Variants in NPAS2 observed in about 807,000 individuals in gnomAD.
NPAS2 encodes neuronal PAS domain-containing protein 2.
NPAS2 carries 23 observed loss-of-function variants against 107.5 expected under a neutral mutation model. That is an observed-to-expected ratio of 0.21 (90% confidence interval 0.15 to 0.30). NPAS2 has a LOEUF of 0.30. Among genes scored for constraint, NPAS2 ranks in the 10% least tolerant of loss-of-function variants. The pLI is 1.00. For missense variants in NPAS2, 756 were observed against 1,043.3 expected (o/e 0.72, Z 3.79); for synonymous variants, 403 against 417.5 (o/e 0.97, Z 0.42).
intron 15 of NPAS2, among the ~76,000 whole-genome samples, chr2:100,981,579 C>T (rs1046123639): frequency 2.6e-5 from 4 of 152,124 alleles, no homozygotes; most frequent in Admixed American, 6.5e-5. Context: ...GTCTTTACCC[C>T]GAGGTCAGTC....
intron 2 of NPAS2, among the ~76,000 whole-genome samples, chr2:100,924,326 AC>A (rs1683426175): frequency 1.3e-5 from 2 of 152,230 alleles, no homozygotes; most frequent in South Asian, 4.1e-4. Context: ...GTGTTGACAC[AC>A]ATCCACCAGT....
intron 11 of NPAS2, 149 bp from the exon 12 acceptor site, chr2:100,970,841 C>T: frequency 1.8e-6 from 1 of 568,102 alleles, no homozygotes. Flanking sequence ...TTCCTTCCAA[C>T]AAGTCACAGG....
At position 100,820,948 on chromosome 2, in the gene NPAS2, G is replaced by C; in HGVS notation, c.-23+534G>C. 2.5e-5 allele frequency: 19 copies of C among 750,510 alleles called. No individual in the cohort carries two copies. Among genetic ancestry groups the C allele is most frequent in the Non-Finnish European group, 3.5e-5 (18 of 519,460 alleles). The allele number at this position is 750,510 out of a possible 1,614,324, so 46.5% of individuals were successfully genotyped here. A position where few individuals can be genotyped will look rare whatever the true frequency, so the allele number is the denominator to read the frequency against. On this transcript the variant is annotated intron_variant, in intron 1 of 20. Coordinates refer to ENST00000335681, the MANE Select transcript of NPAS2 (RefSeq NM_002518.4). This position sits in a 1 kb window ranked among gnomAD's most constrained non-coding sequence, Gnocchi z 5.6. ...TGCGGAATCGGTGCCCCCAACCCCCGTGTGCGCAGACAGCGTGCAGCCTGG... is the reference window on the plus strand; with the variant it reads ...TGCGGAATCGGTGCCCCCAACCCCCCTGTGCGCAGACAGCGTGCAGCCTGG...
In NPAS2 at chr2:100,922,522, G is replaced by A. The variant is rs150891898; in HGVS notation, c.33-2624G>A. Among the ~76,000 whole-genome samples, 1,156 of 152,296 alleles carry A rather than the reference G, an allele frequency of 7.6e-3. 12 individuals are homozygous for A. The highest frequency in any genetic ancestry group is 0.026 in the African/African-American group (1,083 of 41,550). On this transcript the variant is annotated intron_variant, in intron 2 of 20. Transcript: ENST00000335681. ...CCCTTGAACCCGGGAGGTGGAGGTT[G>A]TAGTGAGCTGAGATCGCGTCACTGC...
At chr2:100,955,849 C>T (rs1675535494) in intron 7 of NPAS2, among the ~76,000 whole-genome samples, 3 of 152,112 alleles carry the variant, frequency 2.0e-5, no homozygotes, top group Non-Finnish European at 2.9e-5. Context: ...TCAGGACTCC[C>T]CGCCCCATGC....
intron 1 of NPAS2, among the ~76,000 whole-genome samples, chr2:100,835,874 C>T (rs1677023970): frequency 6.6e-6 from 1 of 152,188 alleles, no homozygotes; most frequent in Non-Finnish European, 1.5e-5. Flanking sequence ...CTCTTCCCCT[C>T]CACAGCTGAG....
intron 1 of NPAS2, among the ~76,000 whole-genome samples, chr2:100,887,995 T>G (rs1207873695): frequency 6.6e-6 from 1 of 152,226 alleles, no homozygotes; most frequent in Non-Finnish European, 1.5e-5. Context: ...CAGATGGCAG[T>G]CTTCTGAGTG....
intron 1 of NPAS2, among the ~76,000 whole-genome samples, chr2:100,882,347 T>C (rs10177618): frequency 0.017 from 2,622 of 152,250 alleles, 64 homozygotes; most frequent in East Asian, 0.088. Flanking sequence ...CAGTGGCTCA[T>C]GCCTGTAATC....
At chr2:100,928,385 GC>G (rs1406082630) in intron 3 of NPAS2, among the ~76,000 whole-genome samples, 1 of 151,056 alleles carries the variant, frequency 6.6e-6, no homozygotes, top group East Asian at 2.0e-4. Flanking sequence ...CTAGGTCATT[GC>G]CACCGAGAAG....
intron 1 of NPAS2, among the ~76,000 whole-genome samples, chr2:100,831,780 A>G (rs537862447): frequency 1.7e-4 from 26 of 151,224 alleles, no homozygotes; most frequent in Non-Finnish European, 3.2e-4. Flanking sequence ...AAAAGGTACC[A>G]CTTTTGGAAA....
chr2:100,820,334 G>A lies in NPAS2; in HGVS notation c.-103G>A, dbSNP rs1213011982. ...GCTCGCCGCGCCCGCTCGCCGCCTC[G>A]TCTCCCAGCGGCGGCGGGAGGCGCG... is the stretch of plus-strand genomic sequence containing the variant. On this transcript the variant is annotated 5_prime_UTR_variant, in exon 1 of 21. Transcript: ENST00000335681. The surrounding 1 kb of genome is among the most constrained non-coding windows in gnomAD (Gnocchi z 5.6). 1 of 145,060 alleles carries A rather than the reference G, an allele frequency of 6.9e-6. No individual in the cohort carries two copies. Among genetic ancestry groups the A allele is most frequent in the Non-Finnish European group, 1.5e-5 (1 of 65,656 alleles). The allele number at this position is 145,060 out of a possible 1,614,324, so 9.0% of individuals were successfully genotyped here. A position where few individuals can be genotyped will look rare whatever the true frequency, so the allele number is the denominator to read the frequency against.
In NPAS2 at chr2:100,876,180, C is replaced by T. The variant is rs137885804; in HGVS notation, c.-22-28553C>T. On this transcript the variant is annotated intron_variant, in intron 1 of 20. Coordinates refer to ENST00000335681, the MANE Select transcript of NPAS2 (RefSeq NM_002518.4). ...TCTCTGGTTCTGTTCCTCTCTTCCC[C>T]GTAGCTGGTATTTGTAGTGACACCT... is the stretch of plus-strand genomic sequence containing the variant. Among the ~76,000 whole-genome samples, 505 of 152,298 alleles carry T rather than the reference C, an allele frequency of 3.3e-3. 2 individuals are homozygous for T. The highest frequency in any genetic ancestry group is 0.012 in the African/African-American group (483 of 41,552).
chr2:100,819,927 G>C (rs1405589902), upstream of NPAS2, among the ~76,000 whole-genome samples: 1 of 151,974 alleles, frequency 6.6e-6, no homozygotes. This position sits in a 1 kb window ranked among gnomAD's most constrained non-coding sequence, Gnocchi z 5.8. Flanking sequence ...CAGGGAAGCC[G>C]GGGGTCTAGG....
At chr2:100,895,099 A>G (rs1470111363) in intron 1 of NPAS2, among the ~76,000 whole-genome samples, 2 of 130,686 alleles carry the variant, frequency 1.5e-5, no homozygotes, top group African/African-American at 6.5e-5. Flanking sequence ...CTGTCTGTCC[A>G]TCATGCGTAC....
chr2:100,878,425 C>T (rs1185039632), intron 1 of NPAS2: 3 of 985,256 alleles, frequency 3.0e-6, no homozygotes, highest in Non-Finnish European at 2.4e-6. Context: ...CAGCGTTGGA[C>T]AAGGACATGA....
chr2:100,928,854 T>G (rs1332091417), intron 3 of NPAS2, among the ~76,000 whole-genome samples: 1 of 152,182 alleles, frequency 6.6e-6, no homozygotes, highest in Non-Finnish European at 1.5e-5. Flanking sequence ...CTGGGCAATA[T>G]TCTAAGAGCT....
In NPAS2 at chr2:100,990,291, G is replaced by A; in HGVS notation, c.1863G>A (p.Gln621=). 2 of 1,614,170 alleles carry A rather than the reference G, an allele frequency of 1.2e-6. No individual in the cohort carries two copies. The highest frequency in any genetic ancestry group is 1.7e-6 in the Non-Finnish European group (2 of 1,180,044). ...PKPMRSSQLM[Q]SSGRSGSSLV... The stretch of plus-strand genomic sequence containing the variant: ...CAATGAGAAGCTCACAGCTAATGCA[G>A]AGCAGCGGCCGCTCTGGAAGCAGCC... Residue 621 remains glutamine, a synonymous_variant, in exon 18 of 21, where the codon CAG becomes CAA. Coordinates refer to ENST00000335681, the MANE Select transcript of NPAS2 (RefSeq NM_002518.4).
chr2:100,964,965 T>C, intron 9 of NPAS2, 22 bp downstream of exon 9: 2 of 1,508,430 alleles, frequency 1.3e-6, no homozygotes, highest in African/African-American at 1.4e-5. Flanking sequence ...GAAAAACATA[T>C]TTGGGTTGGG....
chr2:100,926,073 T>C (rs1292365184), intron 3 of NPAS2, among the ~76,000 whole-genome samples: 1 of 152,182 alleles, frequency 6.6e-6, no homozygotes, highest in East Asian at 1.9e-4. Context: ...TTCTTTCACG[T>C]AGCATCTGTG....
Sources: allele counts gnomAD v4.1 joint callset (sites outside exome capture counted in the v4.1 genomes callset), GRCh38; gene constraint gnomAD v4.1.1; non-coding constraint Gnocchi (gnomAD v3.1); transcripts MANE v1.5; gene names NCBI Gene and HGNC (gene_info 2026-07-23, HGNC 2026-07-21).